VAX1: variants seen among roughly 807,000 people sequenced by gnomAD.
The protein encoded by VAX1 is ventral anterior homeobox 1.
A neutral mutation model predicts 17.6 loss-of-function variants in VAX1; 6 were observed. The observed-to-expected ratio is 0.34, with a 90% CI of 0.19 to 0.67. VAX1 has a LOEUF of 0.67. Ranked by LOEUF, VAX1 falls within the 30% of genes least tolerant of loss-of-function variation. The pLI is 0.69. For missense variants in VAX1, 408 were observed against 463.7 expected (o/e 0.88, Z 1.10); for synonymous variants, 256 against 227.4 (o/e 1.13, Z -1.13).
At position 117,137,900 on chromosome 10, in the gene VAX1, C is replaced by T. The variant is rs948925832; in HGVS notation, c.157G>A (p.Ala53Thr). The T allele has an allele frequency of 4.3e-6, 7 of 1,613,808 alleles. No individual in the cohort carries two copies. The African/African-American group carries it at 9.3e-5, about 22-fold the overall frequency. The change falls in exon 1 of 3, where the codon GCG (alanine) becomes ACG (threonine). Residue 53 changes from alanine (A) to threonine (T), a missense_variant. Transcript: ENST00000369206. The surrounding 1 kb of genome is among the most constrained non-coding windows in gnomAD (Gnocchi z 7.4). ...TTACAATCCTCAGCAGCGCCCGACG[C>T]TGAGAAGGCGCCCTGCGGCTCCTTG... ...FLKEPQGAFS[A>T]SGAAEDCNKS...
In VAX1 at chr10:117,133,331, AT is replaced by A; in HGVS notation, c.*676del. 4 of 985,414 alleles carry A rather than the reference AT, an allele frequency of 4.1e-6. No individual in the cohort carries two copies. The highest frequency in any genetic ancestry group is 4.8e-6 in the Non-Finnish European group (4 of 829,948). 61.0% of individuals were successfully genotyped at this position (985,414 alleles called of 1,614,324 possible). ...TTGCTTTTATTGCTGATTAGATCAA[AT>A]TTATCAGTGTCGTTGCCTACTACGA... On this transcript the variant is annotated 3_prime_UTR_variant, in exon 3 of 3. Coordinates refer to ENST00000369206, the MANE Select transcript of VAX1 (RefSeq NM_001112704.2).
chr10:117,129,324 G>T (rs1854056061), downstream of VAX1: 1 of 152,496 alleles, frequency 6.6e-6, no homozygotes, highest in African/African-American at 2.4e-5. Flanking sequence ...TGGAATTTTA[G>T]CCAGTCCCCA....
At chr10:117,132,046 G>A, downstream of VAX1, 1 of 649,114 alleles carries the variant, frequency 1.5e-6, no homozygotes, top group Non-Finnish European at 2.6e-6. This position sits in a 1 kb window ranked among gnomAD's most constrained non-coding sequence, Gnocchi z 4.9. Context: ...AAGGAGGAGG[G>A]TCTGAGGGGC....
rs1854178381 is a variant in VAX1, at chr10:117,136,348, C to T, written c.429+124G>A. ...CTTAGGCCTGTCTTACCCATCCTTC[C>T]CATCTCCTCCACCTCCCAAGGGTAG... On this transcript the variant is annotated intron_variant, in intron 2 of 2. Coordinates refer to ENST00000369206, the MANE Select transcript of VAX1 (RefSeq NM_001112704.2). The surrounding 1 kb of genome is among the most constrained non-coding windows in gnomAD (Gnocchi z 5.0). The T allele has an allele frequency of 8.4e-7, 1 of 1,190,866 alleles. No individual in the cohort carries two copies. The highest frequency in any genetic ancestry group is 2.6e-5 in the Admixed American group (1 of 37,894). 73.8% of individuals were successfully genotyped at this position (1,190,866 alleles called of 1,614,324 possible). A position where few individuals can be genotyped will look rare whatever the true frequency, so the allele number is the denominator to read the frequency against.
intron 2 of VAX1, among the ~76,000 whole-genome samples, chr10:117,135,273 T>C (rs1438924272): frequency 6.6e-6 from 1 of 152,212 alleles, no homozygotes; most frequent in African/African-American, 2.4e-5. Flanking sequence ...TCTCACCAGA[T>C]AGCTGCATTG....
Position 117,133,901 on chromosome 10 carries a change from T to G in VAX1, c.*107A>C. 1.4e-6 allele frequency: 2 copies of G among 1,413,498 alleles called. No homozygotes were observed. The highest frequency in any genetic ancestry group is 9.2e-7 in the Non-Finnish European group (1 of 1,090,560). The allele number at this position is 1,413,498 out of a possible 1,614,324, so 87.6% of individuals were successfully genotyped here. ...GAAAGGAGAGCTGTCAGAGGCCTGG[T>G]GGGAGCCAGGAGCCCAGCGCAGGAG... On this transcript the variant is annotated 3_prime_UTR_variant, in exon 3 of 3. Transcript: ENST00000369206.
At position 117,137,962 on chromosome 10, in the gene VAX1, C is replaced by G; in HGVS notation, c.95G>C (p.Ser32Thr). ...TGGGAGGTTCCCCTCCGCGCCCTTGCTCTCCCGACTCTCCTTGTGCGCGTT... is the reference window on the plus strand; with the variant it reads ...TGGGAGGTTCCCCTCCGCGCCCTTGGTCTCCCGACTCTCCTTGTGCGCGTT... ...SKNAHKESRE[S>T]KGAEGNLPAA... Residue 32 changes from serine to threonine, a missense_variant, in exon 1 of 3, where the codon AGC (serine) becomes ACC (threonine). Transcript: ENST00000369206. This position sits in a 1 kb window ranked among gnomAD's most constrained non-coding sequence, Gnocchi z 7.4. The G allele has an allele frequency of 1.9e-6, 3 of 1,613,818 alleles. No individual in the cohort carries two copies. In the South Asian group the frequency reaches 3.3e-5, roughly 18 times the overall value.
downstream of VAX1, chr10:117,131,286 A>C (rs1230742378): frequency 6.6e-6 from 1 of 152,378 alleles, no homozygotes; most frequent in Non-Finnish European, 1.5e-5. Flanking sequence ...CGCGGAAGAA[A>C]AGAGTAGAAA....
rs1180767178 is a variant in VAX1 at position 117,134,672 on chromosome 10, G to A, written c.430-89C>T. On this transcript the variant is annotated intron_variant, in intron 2 of 2. Coordinates refer to ENST00000369206, the MANE Select transcript of VAX1 (RefSeq NM_001112704.2). The surrounding 1 kb of genome is among the most constrained non-coding windows in gnomAD (Gnocchi z 6.2). The stretch of plus-strand genomic sequence containing the variant: ...GAGCTCCCGGGGCGCGCGGCTCCGG[G>A]GCTCTCCCCAAGTCCCAGCCCTATC... The A allele has an allele frequency of 7.5e-7, 1 of 1,335,220 alleles. No individual in the cohort carries two copies. The highest frequency in any genetic ancestry group is 1.5e-5 in the African/African-American group (1 of 65,198). 82.7% of individuals were successfully genotyped at this position (1,335,220 alleles called of 1,614,324 possible).
chr10:117,137,625 A>T lies in VAX1; in HGVS notation c.241+191T>A, dbSNP rs767958112. On this transcript the variant is annotated intron_variant, in intron 1 of 2. Transcript: ENST00000369206. The surrounding 1 kb of genome is among the most constrained non-coding windows in gnomAD (Gnocchi z 7.4). ...GGGCCCCTCCGGGCGTGGAGGGCCGAGGCCCCTGGAGAGCGCACCGGAGAG... is the reference window on the plus strand; with the variant it reads ...GGGCCCCTCCGGGCGTGGAGGGCCGTGGCCCCTGGAGAGCGCACCGGAGAG... Among the ~76,000 whole-genome samples the T allele has an allele frequency of 3.3e-5, 5 of 152,126 alleles. No individual in the cohort carries two copies. Among genetic ancestry groups the T allele is most frequent in the Non-Finnish European group, 5.9e-5 (4 of 68,020 alleles).
chr10:117,134,314 G>C lies in VAX1; in HGVS notation c.699C>G (p.Ala233=). Reference sequence around the variant, plus strand: ...GGGATGCAGCGCCCGCTGGGCCCGGGGCGGCGGCGGCGGCTGCGGCGGCCG... The same window carrying C: ...GGGATGCAGCGCCCGCTGGGCCCGGCGCGGCGGCGGCGGCTGCGGCGGCCG... ...AGSAAAAAAA[A]PGPAGAASPH... is the part of the protein sequence containing the mutation. Residue 233 remains alanine, a synonymous_variant, in exon 3 of 3, where the codon GCC becomes GCG. Transcript: ENST00000369206. This position sits in a 1 kb window ranked among gnomAD's most constrained non-coding sequence, Gnocchi z 6.2. 9.5e-7 allele frequency: 1 copy of C among 1,048,054 alleles called. No individual in the cohort carries two copies. Among genetic ancestry groups the C allele is most frequent in the Non-Finnish European group, 1.1e-6 (1 of 872,720 alleles). 64.9% of individuals were successfully genotyped at this position (1,048,054 alleles called of 1,614,324 possible). A position where few individuals can be genotyped will look rare whatever the true frequency, so the allele number is the denominator to read the frequency against.
rs1372077016 is a variant in VAX1 at position 117,134,217 on chromosome 10, G to C, written c.796C>G (p.Pro266Ala). Residue 266 changes from proline to alanine, a missense_variant, in exon 3 of 3, where the codon CCG (proline) becomes GCG (alanine). Physicochemically the swap from Pro to Ala is conservative, Grantham distance 27 (BLOSUM62 -1). Transcript: ENST00000369206. This position sits in a 1 kb window ranked among gnomAD's most constrained non-coding sequence, Gnocchi z 6.2. Reference protein sequence around the residue: ...AGPGGLHAGAPAAGHSLFSLP... With the variant: ...AGPGGLHAGAAAAGHSLFSLP... Reference sequence around the variant, plus strand: ...CTGAAGAGGCTGTGGCCCGCGGCCGGGGCGCCTGCGTGCAATCCCCCCGGC... The same window carrying C: ...CTGAAGAGGCTGTGGCCCGCGGCCGCGGCGCCTGCGTGCAATCCCCCCGGC... 2 of 1,460,270 alleles carry C rather than the reference G, an allele frequency of 1.4e-6. No individual in the cohort carries two copies. Among genetic ancestry groups the C allele is most frequent in the South Asian group, 2.8e-5 (2 of 72,384 alleles). 90.5% of individuals were successfully genotyped at this position (1,460,270 alleles called of 1,614,324 possible). A position where few individuals can be genotyped will look rare whatever the true frequency, so the allele number is the denominator to read the frequency against.
At position 117,134,224 on chromosome 10, in the gene VAX1, T is replaced by A. The variant is rs1398328038; in HGVS notation, c.789A>T (p.Ala263=). Residue 263 remains alanine (A), a synonymous_variant, in exon 3 of 3, where the codon GCA becomes GCT. Transcript: ENST00000369206. The surrounding 1 kb of genome is among the most constrained non-coding windows in gnomAD (Gnocchi z 6.2). The stretch of plus-strand genomic sequence containing the variant: ...GGCTGTGGCCCGCGGCCGGGGCGCC[T>A]GCGTGCAATCCCCCCGGCCCGGCGG... The part of the protein sequence containing the change: ...PGPAGPGGLH[A]GAPAAGHSLF... 2 of 1,452,330 alleles carry A rather than the reference T, an allele frequency of 1.4e-6. No homozygotes were observed. Among genetic ancestry groups the A allele is most frequent in the Admixed American group, 3.2e-5 (1 of 31,010 alleles). 90.0% of individuals were successfully genotyped at this position (1,452,330 alleles called of 1,614,324 possible). A position where few individuals can be genotyped will look rare whatever the true frequency, so the allele number is the denominator to read the frequency against.
rs1854143847 is a variant in VAX1, at chr10:117,134,516, C to T, written c.497G>A (p.Arg166His). Residue 166 changes from arginine to histidine, a missense_variant, in exon 3 of 3, where the codon CGC (arginine) becomes CAC (histidine). Physicochemically the swap from Arg to His is conservative, Grantham distance 29 (BLOSUM62 0). This residue lies in a region of VAX1 where 75 missense variants were observed against 116.1 expected (regional missense o/e 0.65). Coordinates refer to ENST00000369206, the MANE Select transcript of VAX1 (RefSeq NM_001112704.2). The surrounding 1 kb of genome is among the most constrained non-coding windows in gnomAD (Gnocchi z 6.2). The part of the protein sequence containing the change: ...KKDQGKDSEL[R>H]SVVSETAATC... ...GGCCGCGGTCTCCGACACCACCGAG[C>T]GTAGCTCCGAGTCCTTGCCCTGGTC... 1.3e-6 allele frequency: 2 copies of T among 1,532,566 alleles called. No homozygotes were observed. The highest frequency in any genetic ancestry group is 1.4e-5 in the African/African-American group (1 of 71,310). 94.9% of individuals were successfully genotyped at this position (1,532,566 alleles called of 1,614,324 possible). A position where few individuals can be genotyped will look rare whatever the true frequency, so the allele number is the denominator to read the frequency against.
rs929027139 is a variant in VAX1, at chr10:117,134,923, T to TG, written c.430-341dup. On this transcript the variant is annotated intron_variant, in intron 2 of 2. Transcript: ENST00000369206. The surrounding 1 kb of genome is among the most constrained non-coding windows in gnomAD (Gnocchi z 6.2). ...TGGCTTCCGCGCTACCCCGCAGCGG[T>TG]GTTTGGGGCTCACAGATGTGTGAAT... Among the ~76,000 whole-genome samples the TG allele has an allele frequency of 1.1e-4, 16 of 152,260 alleles. No homozygotes were observed. The highest frequency in any genetic ancestry group is 3.6e-4 in the African/African-American group (15 of 41,558).
Position 117,136,703 on chromosome 10 carries a change from C to T in VAX1, c.242-44G>A. 1 of 1,579,558 alleles carries T rather than the reference C, an allele frequency of 6.3e-7. No homozygotes were observed. The highest frequency in any genetic ancestry group is 8.6e-7 in the Non-Finnish European group (1 of 1,158,204). On this transcript the variant is annotated intron_variant, in intron 1 of 2. Transcript: ENST00000369206. This position sits in a 1 kb window ranked among gnomAD's most constrained non-coding sequence, Gnocchi z 5.0. ...CAGCCGCCAGAACCCTCCCGTCCCC[C>T]TCCACCTCCTTGGCCCGAGCTGGAT...
In VAX1 at chr10:117,134,658, G is replaced by A; in HGVS notation, c.430-75C>T. 2.9e-6 allele frequency: 4 copies of A among 1,389,614 alleles called. No individual in the cohort carries two copies. The highest frequency in any genetic ancestry group is 3.8e-6 in the Non-Finnish European group (4 of 1,060,042). 86.1% of individuals were successfully genotyped at this position (1,389,614 alleles called of 1,614,324 possible). On this transcript the variant is annotated intron_variant, in intron 2 of 2. Coordinates refer to ENST00000369206, the MANE Select transcript of VAX1 (RefSeq NM_001112704.2). This position sits in a 1 kb window ranked among gnomAD's most constrained non-coding sequence, Gnocchi z 6.2. ...GCGTCAAAGGAAGCGAGCTCCCGGG[G>A]CGCGCGGCTCCGGGGCTCTCCCCAA...
chr10:117,138,230 G>A lies in VAX1; in HGVS notation c.-174C>T. 2 of 799,984 alleles carry A rather than the reference G, an allele frequency of 2.5e-6. No individual in the cohort carries two copies. The highest frequency in any genetic ancestry group is 2.9e-5 in the Admixed American group (1 of 34,036). The allele number at this position is 799,984 out of a possible 1,614,324, so 49.6% of individuals were successfully genotyped here. The stretch of plus-strand genomic sequence containing the variant: ...GCAAGAATGAATGTCCCCGCGGGGA[G>A]GCTTCGGCGGCCGCGCGCGGGTCAG... On this transcript the variant is annotated 5_prime_UTR_variant, in exon 1 of 3. Coordinates refer to ENST00000369206, the MANE Select transcript of VAX1 (RefSeq NM_001112704.2).
intron 2 of VAX1, among the ~76,000 whole-genome samples, chr10:117,135,258 C>T (rs1183142331): frequency 6.6e-6 from 1 of 152,214 alleles, no homozygotes; most frequent in Non-Finnish European, 1.5e-5. Flanking sequence ...GATTTCTGCA[C>T]CTCTTCTCAC....
Sources: allele counts gnomAD v4.1 joint callset (sites outside exome capture counted in the v4.1 genomes callset), GRCh38; gene constraint gnomAD v4.1.1; regional missense constraint gnomAD v4.1.1; non-coding constraint Gnocchi (gnomAD v3.1); transcripts MANE v1.5; gene names NCBI Gene and HGNC (gene_info 2026-07-23, HGNC 2026-07-21).